The following CDH4 variants were observed in gnomAD, a reference collection of about 807,000 sequenced individuals.
The protein encoded by CDH4 is cadherin 4, also known as cadherin-4.
CDH4 carries 33 observed loss-of-function variants against 86.0 expected under a neutral mutation model. The observed-to-expected ratio is 0.38, with a 90% CI of 0.29 to 0.51. The LOEUF (loss-of-function observed/expected upper bound fraction) is 0.51, where lower values mean the gene tolerates loss of function less well. Ranked by LOEUF, CDH4 falls within the 20% of genes least tolerant of loss-of-function variation. The pLI is 0.86. For missense variants in CDH4, 1,114 were observed against 1,307.4 expected, an observed-to-expected ratio of 0.85 and a Z score of 2.28; for synonymous variants, 555 against 549.4, an observed-to-expected ratio of 1.01 and a Z score of -0.14.
chr20:61,824,360 C>CA (rs559612224), intron 4 of CDH4, among the ~76,000 whole-genome samples: 5,772 of 113,316 alleles, frequency 0.051, 251 homozygotes, highest in African/African-American at 0.14. Flanking sequence ...GATAAAAATA[C>CA]AAAAAAAAAA....
At chr20:61,752,334 A>AG (rs1361518619) in intron 3 of CDH4, among the ~76,000 whole-genome samples, 3 of 150,924 alleles carry the variant, frequency 2.0e-5, no homozygotes, top group Non-Finnish European at 4.4e-5. Context: ...CCTGTCAAAA[A>AG]AAAAAAAAAA....
At chr20:61,618,543 G>A (rs531828971) in intron 2 of CDH4, among the ~76,000 whole-genome samples, 30 of 152,264 alleles carry the variant, frequency 2.0e-4, no homozygotes, top group Middle Eastern at 3.4e-3. Flanking sequence ...ATGGGACCCC[G>A]GCCTGTGTGC....
In CDH4 at chr20:61,708,528, G is replaced by A. The variant is rs2087856994; in HGVS notation, c.170-35035G>A. On this transcript the variant is annotated intron_variant, in intron 2 of 15. Coordinates refer to ENST00000614565, the MANE Select transcript of CDH4 (RefSeq NM_001794.5). The surrounding 1 kb of genome is among the most constrained non-coding windows in gnomAD (Gnocchi z 4.5). ...GTTTGACACCCGGCCACACAGCCCT[G>A]ACTCGTAGCCGGTGGCTGCAGGCTC... Among the ~76,000 whole-genome samples, 2 of 152,260 alleles carry A rather than the reference G, an allele frequency of 1.3e-5. No individual in the cohort carries two copies. The highest frequency in any genetic ancestry group is 2.9e-5 in the Non-Finnish European group (2 of 68,016).
chr20:61,746,166 T>C (rs2088412370), intron 3 of CDH4, among the ~76,000 whole-genome samples: 1 of 152,038 alleles, frequency 6.6e-6, no homozygotes, highest in Non-Finnish European at 1.5e-5. Flanking sequence ...TATGTCGTTT[T>C]CGTACTTTCC....
intron 2 of CDH4, among the ~76,000 whole-genome samples, chr20:61,461,320 G>T (rs2145558917): frequency 6.6e-6 from 1 of 152,284 alleles, no homozygotes; most frequent in African/African-American, 2.4e-5. Context: ...AAGCTTCGCA[G>T]ACACTGTCTC....
intron 2 of CDH4, among the ~76,000 whole-genome samples, chr20:61,331,648 G>GACCACCTC (rs1568801188): frequency 0.019 from 217 of 11,214 alleles, no homozygotes; most frequent in Admixed American, 0.022. Context: ...CCCACCTCCC[G>GACCACCTC]CCCCAGCCAC....
rs370867241 is a variant in CDH4, at chr20:61,805,657, C to T, written c.576+32475C>T. On this transcript the variant is annotated intron_variant, in intron 4 of 15. Coordinates refer to ENST00000614565, the MANE Select transcript of CDH4 (RefSeq NM_001794.5). ...GACTGCCTGATGCCACCCAACCTAC[C>T]GCATGGCAGAGGTATGTTTAAAACT... is the stretch of plus-strand genomic sequence containing the variant. Among the ~76,000 whole-genome samples, 6 of 152,280 alleles carry T rather than the reference C, an allele frequency of 3.9e-5. No individual in the cohort carries two copies. In the South Asian group the frequency reaches 6.2e-4, roughly 16 times the overall value.
chr20:61,728,531 A>G (rs1466005627), intron 2 of CDH4, among the ~76,000 whole-genome samples: 5 of 152,112 alleles, frequency 3.3e-5, no homozygotes, highest in African/African-American at 9.7e-5. Flanking sequence ...CCCCCAGGTG[A>G]GCACTGGCCC....
rs1600767013 is a variant in CDH4, at chr20:61,567,585, A to T, written c.170-175978A>T. On this transcript the variant is annotated intron_variant, in intron 2 of 15. Transcript: ENST00000614565. ...CTTAGGTTTCAACACACAAAATTCG[A>T]AATTTGGGGGCACAAACATTTAGCC... 3.3e-5 allele frequency among the ~76,000 whole-genome samples: 5 copies of T among 152,294 alleles called. No individual in the cohort carries two copies. The South Asian group carries it at 6.2e-4, about 19-fold the overall frequency.
At chr20:61,727,442 C>T (rs545423507) in intron 2 of CDH4, among the ~76,000 whole-genome samples, 13 of 152,272 alleles carry the variant, frequency 8.5e-5, no homozygotes, top group African/African-American at 2.4e-4. Flanking sequence ...ATCACTGCCA[C>T]CATCATCATC....
In CDH4 at chr20:61,789,699, C is replaced by G. The variant is rs139534518; in HGVS notation, c.576+16517C>G. On this transcript the variant is annotated intron_variant, in intron 4 of 15. Coordinates refer to ENST00000614565, the MANE Select transcript of CDH4 (RefSeq NM_001794.5). ...CATGCCAGCGCCTCAGCCCAGCAAA[C>G]CGACATGCAGGCCCAGAGTTAGGCA... Among the ~76,000 whole-genome samples, 121 of 152,360 alleles carry G rather than the reference C, an allele frequency of 7.9e-4. 1 individual carries two copies. Among genetic ancestry groups the G allele is most frequent in the Admixed American group, 6.7e-3 (103 of 15,304 alleles).
chr20:61,374,029 A>G (rs1464269943), intron 2 of CDH4, among the ~76,000 whole-genome samples: 3 of 152,108 alleles, frequency 2.0e-5, no homozygotes, highest in African/African-American at 7.2e-5. Context: ...TGGAGGGTTT[A>G]GCGATACAGA....
At chr20:61,617,409 C>T (rs977593486) in intron 2 of CDH4, among the ~76,000 whole-genome samples, 1 of 152,216 alleles carries the variant, frequency 6.6e-6, no homozygotes, top group African/African-American at 2.4e-5. Context: ...CTATTTCTCA[C>T]AAAGCATTGT....
At chr20:61,782,615 A>T (rs1978608317) in intron 4 of CDH4, among the ~76,000 whole-genome samples, 1 of 152,142 alleles carries the variant, frequency 6.6e-6, no homozygotes, top group Non-Finnish European at 1.5e-5. Flanking sequence ...ATATGACAAC[A>T]GTAGGAGAAA....
chr20:61,914,723 C>T lies in CDH4; in HGVS notation c.1374+4116C>T, dbSNP rs192290918. On this transcript the variant is annotated intron_variant, in intron 9 of 15. Transcript: ENST00000614565. ...GGTGCTGCCACTCCACACCCACAGGCGGGCTGGCACCCACCAGCAGAAACC... is the reference window on the plus strand; with the variant it reads ...GGTGCTGCCACTCCACACCCACAGGTGGGCTGGCACCCACCAGCAGAAACC... Among the ~76,000 whole-genome samples, 834 of 152,294 alleles carry T rather than the reference C, an allele frequency of 5.5e-3. 4 individuals carry two copies. The highest frequency in any genetic ancestry group is 8.7e-3 in the Non-Finnish European group (595 of 68,014).
intron 2 of CDH4, among the ~76,000 whole-genome samples, chr20:61,680,671 G>A (rs925181375): frequency 1.3e-5 from 2 of 152,248 alleles, no homozygotes; most frequent in East Asian, 3.9e-4. Flanking sequence ...TCAGAGCTTC[G>A]GTAGTCATGG....
In CDH4 at chr20:61,776,492, T is replaced by C. The variant is rs186813259; in HGVS notation, c.576+3310T>C. Among the ~76,000 whole-genome samples, 358 of 152,302 alleles carry C rather than the reference T, an allele frequency of 2.4e-3. 1 individual carries two copies. The highest frequency in any genetic ancestry group is 1.4e-3 in the East Asian group (7 of 5,168). On this transcript the variant is annotated intron_variant, in intron 4 of 15. Coordinates refer to ENST00000614565, the MANE Select transcript of CDH4 (RefSeq NM_001794.5). ...CTTCTCCTGTTCTGGGGTCTGTGGC[T>C]TTGCTATGGTTTGGAACCACTTTGT... is the stretch of plus-strand genomic sequence containing the variant.
At chr20:61,801,380 T>C (rs1010675126) in intron 4 of CDH4, among the ~76,000 whole-genome samples, 1 of 152,208 alleles carries the variant, frequency 6.6e-6, no homozygotes, top group African/African-American at 2.4e-5. Context: ...GTTAAAGCCA[T>C]GGACCCTCAG....
At chr20:61,436,487 T>A (rs1190950529) in intron 2 of CDH4, 2 of 152,146 alleles carry the variant, frequency 1.3e-5, no homozygotes, top group African/African-American at 2.4e-5. Flanking sequence ...TACCTCTAAT[T>A]GTGCTTTCAT....
Sources: gnomAD v4.1 joint callset for allele counts (sites outside exome capture counted in the v4.1 genomes callset) on GRCh38, gnomAD v4.1.1 for gene constraint, Gnocchi (gnomAD v3.1) non-coding constraint, MANE v1.5 for transcripts, NCBI Gene and HGNC (gene_info 2026-07-23, HGNC 2026-07-21) for gene names.